TSPEAR: variants seen among roughly 807,000 people sequenced by gnomAD.
The protein encoded by TSPEAR is thrombospondin-type laminin G domain and EAR repeat-containing protein.
TSPEAR carries 69 observed loss-of-function variants against 71.6 expected under a neutral mutation model. The observed-to-expected ratio is 0.96, with a 90% CI of 0.79 to 1.18. TSPEAR has a LOEUF of 1.18. Among genes scored for constraint, TSPEAR ranks in the 50% most tolerant of loss-of-function variants. TSPEAR has a pLI of 0.00. For missense variants in TSPEAR, 971 were observed against 894.9 expected, an observed-to-expected ratio of 1.09 and a Z score of -1.09; for synonymous variants, 402 against 387.2, an observed-to-expected ratio of 1.04 and a Z score of -0.45.
At chr21:44,583,152 C>T (rs587687623) in intron 1 of TSPEAR, among the ~76,000 whole-genome samples, 1 of 149,410 alleles carries the variant, frequency 6.7e-6, no homozygotes, top group African/African-American at 2.5e-5. Context: ...CAGATCACAT[C>T]ATTTCTTAAA....
chr21:44,533,301 C>A (rs1241935509), intron 3 of TSPEAR, among the ~76,000 whole-genome samples: 1 of 152,232 alleles, frequency 6.6e-6, no homozygotes, highest in Admixed American at 6.5e-5. Flanking sequence ...GAGCCTGCCT[C>A]ACCCCATGCA....
chr21:44,646,378 T>A (rs1984359461), intron 1 of TSPEAR: 2 of 1,540,012 alleles, frequency 1.3e-6, no homozygotes, highest in Non-Finnish European at 1.8e-6. Flanking sequence ...CCCACAGCCC[T>A]GAGCACCTCA....
In TSPEAR at chr21:44,638,575, C is replaced by T. The variant is rs587733512; in HGVS notation, c.83-70570G>A. ...CCTGGCTCCACCCCTCTGTCTCTGT[C>T]GACCTTCCATCCTGTCTGTGGACCC... On this transcript the variant is annotated intron_variant, in intron 1 of 11. Transcript: ENST00000323084. The T allele has an allele frequency of 2.1e-4, 52 of 253,600 alleles. 1 individual carries two copies. The Middle Eastern group carries it at 8.7e-3, about 43-fold the overall frequency. 15.7% of individuals were successfully genotyped at this position (253,600 alleles called of 1,614,324 possible). A position where few individuals can be genotyped will look rare whatever the true frequency, so the allele number is the denominator to read the frequency against.
chr21:44,666,604 A>G lies in TSPEAR; in HGVS notation c.82+44829T>C, dbSNP rs202056551. The G allele has an allele frequency of 7.8e-4, 1,253 of 1,613,460 alleles. 10 individuals are homozygous for G. Among genetic ancestry groups the G allele is most frequent in the Non-Finnish European group, 3.9e-4 (459 of 1,179,448 alleles). ...GAGGACTGGCAGGAGGGGGCTGCAC[A>G]CACAATGGGCCTGCAGCTCACAGGC... is the stretch of plus-strand genomic sequence containing the variant. On this transcript the variant is annotated intron_variant, in intron 1 of 11. Coordinates refer to ENST00000323084, the MANE Select transcript of TSPEAR (RefSeq NM_144991.3).
intron 1 of TSPEAR, among the ~76,000 whole-genome samples, chr21:44,629,286 C>T (rs116051116): frequency 0.014 from 2,199 of 152,268 alleles, 52 homozygotes; most frequent in African/African-American, 0.051. Flanking sequence ...ACAAAGTCCA[C>T]GGACTGGGGG....
At chr21:44,647,147 G>C (rs782675510) in intron 1 of TSPEAR, 1 of 1,614,120 alleles carries the variant, frequency 6.2e-7, no homozygotes, top group Admixed American at 1.7e-5. Context: ...ACCACCTCCT[G>C]CTGCAGACCC....
rs587662408 is a variant in TSPEAR at position 44,627,112 on chromosome 21, C to T, written c.83-59107G>A. 13 of 1,579,320 alleles carry T rather than the reference C, an allele frequency of 8.2e-6. No homozygotes were observed. In the South Asian group the frequency reaches 1.4e-4, roughly 17 times the overall value. ...AACCTCACACACTCACAAACTCACTCACTGACACACTCACACACTCACTTA... is the reference window on the plus strand; with the variant it reads ...AACCTCACACACTCACAAACTCACTTACTGACACACTCACACACTCACTTA... On this transcript the variant is annotated intron_variant, in intron 1 of 11. Coordinates refer to ENST00000323084, the MANE Select transcript of TSPEAR (RefSeq NM_144991.3).
At chr21:44,664,483 C>T (rs1985650037) in intron 1 of TSPEAR, among the ~76,000 whole-genome samples, 2 of 152,182 alleles carry the variant, frequency 1.3e-5, no homozygotes, top group Admixed American at 1.3e-4. Flanking sequence ...GTCGACTCTC[C>T]CCAAATTGAT....
rs782134022 is a variant in TSPEAR, at chr21:44,639,612, C to T, written c.83-71607G>A. The stretch of plus-strand genomic sequence containing the variant: ...AGGGACAGAGATGTTTGTCCAAAAA[C>T]CTGCCCCGGTTTTTGGGGCAGCTGG... On this transcript the variant is annotated intron_variant, in intron 1 of 11. Transcript: ENST00000323084. Among the ~76,000 whole-genome samples the T allele has an allele frequency of 2.0e-5, 3 of 152,306 alleles. No homozygotes were observed. In the East Asian group the frequency reaches 5.8e-4, roughly 29 times the overall value.
At chr21:44,689,250 C>A (rs1844493386) in intron 1 of TSPEAR, among the ~76,000 whole-genome samples, 1 of 152,202 alleles carries the variant, frequency 6.6e-6, no homozygotes. Flanking sequence ...CGCCTGTAAT[C>A]CCAGCACTTT....
At chr21:44,500,562 T>C (rs2052011800) in intron 11 of TSPEAR, among the ~76,000 whole-genome samples, 1 of 152,252 alleles carries the variant, frequency 6.6e-6, no homozygotes, top group South Asian at 2.1e-4. Flanking sequence ...AAATAAATTC[T>C]TCCAGACTGC....
chr21:44,534,817 T>A (rs1034418302), intron 2 of TSPEAR, among the ~76,000 whole-genome samples: 1 of 152,232 alleles, frequency 6.6e-6, no homozygotes, highest in Admixed American at 6.5e-5. Flanking sequence ...AAGAGATACT[T>A]GTACACACAT....
chr21:44,547,623 T>C (rs1555917860), intron 2 of TSPEAR, among the ~76,000 whole-genome samples: 3 of 152,262 alleles, frequency 2.0e-5, no homozygotes. Context: ...TTCTATTAGC[T>C]TGGTGCTAAG....
chr21:44,598,234 T>G (rs782381878), intron 1 of TSPEAR, among the ~76,000 whole-genome samples: 8 of 152,210 alleles, frequency 5.3e-5, no homozygotes, highest in Admixed American at 1.3e-4. Context: ...CTCCCGTCTC[T>G]CCCATTATGC....
At chr21:44,560,111 A>G (rs769734792) in intron 2 of TSPEAR, among the ~76,000 whole-genome samples, 1 of 152,196 alleles carries the variant, frequency 6.6e-6, no homozygotes, top group Non-Finnish European at 1.5e-5. Flanking sequence ...AAAGACACAC[A>G]TAGGCTCAAA....
chr21:44,682,294 C>T (rs55700391), intron 1 of TSPEAR: 41,481 of 752,598 alleles, frequency 0.055, 1,306 homozygotes, highest in Middle Eastern at 0.11. Context: ...AGTTTTCTGT[C>T]GTAGATGATG....
chr21:44,700,904 G>A (rs560971050), intron 1 of TSPEAR, among the ~76,000 whole-genome samples: 1 of 152,276 alleles, frequency 6.6e-6, no homozygotes, highest in South Asian at 2.1e-4. Flanking sequence ...AAAGGAAACC[G>A]CAGCCCATAG....
At chr21:44,685,584 G>A (rs8134516) in intron 1 of TSPEAR, among the ~76,000 whole-genome samples, 107,849 of 150,004 alleles carry the variant, frequency 0.72, 38,976 homozygotes, top group Middle Eastern at 0.85. Context: ...TGGGAAGTGG[G>A]CACTTCTGAG....
rs1981710762 is a variant in TSPEAR at position 44,612,053 on chromosome 21, C to T, written c.83-44048G>A. On this transcript the variant is annotated intron_variant, in intron 1 of 11. Transcript: ENST00000323084. This position sits in a 1 kb window ranked among gnomAD's most constrained non-coding sequence, Gnocchi z 4.1. ...AACCTCAGCAGCCAGGGCACACAAACCCACACACCTCACACCAGCACTCAC... is the reference window on the plus strand; with the variant it reads ...AACCTCAGCAGCCAGGGCACACAAATCCACACACCTCACACCAGCACTCAC... 1 of 1,579,338 alleles carries T rather than the reference C, an allele frequency of 6.3e-7. No individual in the cohort carries two copies.
Sources: gnomAD v4.1 joint callset for allele counts (sites outside exome capture counted in the v4.1 genomes callset) on GRCh38, gnomAD v4.1.1 for gene constraint, Gnocchi (gnomAD v3.1) non-coding constraint, MANE v1.5 for transcripts, NCBI Gene and HGNC (gene_info 2026-07-23, HGNC 2026-07-21) for gene names.